Variants in MAP4 observed in about 807,000 individuals in gnomAD.
The protein encoded by MAP4 is microtubule associated protein 4.
MAP4 carries 76 observed loss-of-function variants against 170.2 expected under a neutral mutation model. That is an observed-to-expected ratio of 0.45 (90% CI 0.37 to 0.54). The LOEUF is 0.54. Among genes scored for constraint, MAP4 ranks in the 20% least tolerant of loss-of-function variants. The pLI, the probability that MAP4 is intolerant of heterozygous loss-of-function variation, is 0.00. For synonymous variants in MAP4, 909 were observed against 994.5 expected (o/e 0.91, Z 1.62); for missense variants, 2,506 against 2,748.0 (o/e 0.91, Z 1.97).
At chr3:48,052,078 A>G (rs1443184390) in intron 1 of MAP4, among the ~76,000 whole-genome samples, 2 of 152,166 alleles carry the variant, frequency 1.3e-5, no homozygotes, top group Non-Finnish European at 2.9e-5. Context: ...GTTTCCAGAC[A>G]CTGTCAAATG....
intron 1 of MAP4, among the ~76,000 whole-genome samples, chr3:48,086,057 A>T (rs562520384): frequency 3.6e-4 from 55 of 151,218 alleles, no homozygotes; most frequent in Middle Eastern, 3.4e-3. Context: ...ATCTCAAAAA[A>T]ATATATATAT....
intron 3 of MAP4, among the ~76,000 whole-genome samples, chr3:47,966,645 G>A (rs963281808): frequency 1.3e-5 from 2 of 151,994 alleles, no homozygotes; most frequent in Admixed American, 6.6e-5. Flanking sequence ...CTCCCAAAGC[G>A]CTGGGATTAT....
At chr3:48,050,182 C>G (rs2100126897) in intron 1 of MAP4, among the ~76,000 whole-genome samples, 1 of 150,990 alleles carries the variant, frequency 6.6e-6, no homozygotes, top group African/African-American at 2.4e-5. Flanking sequence ...ATCGCTTGAA[C>G]CCGGGAGCCA....
intron 2 of MAP4, among the ~76,000 whole-genome samples, chr3:47,979,947 C>T (rs1317882261): frequency 2.0e-5 from 3 of 152,048 alleles, no homozygotes; most frequent in Non-Finnish European, 2.9e-5. Flanking sequence ...GCCTCAGCCT[C>T]CCAAGTAGCT....
chr3:47,983,360 C>A (rs2154299840), intron 2 of MAP4, among the ~76,000 whole-genome samples: 1 of 152,132 alleles, frequency 6.6e-6, no homozygotes, highest in South Asian at 2.1e-4. Context: ...CAGGTGTGCA[C>A]CGCCACAGTT....
At chr3:47,899,171 G>A (rs915723992) in intron 10 of MAP4, among the ~76,000 whole-genome samples, 30 of 152,254 alleles carry the variant, frequency 2.0e-4, no homozygotes, top group African/African-American at 7.0e-4. Context: ...AGCCTGCCTA[G>A]GTAAAAAGAA....
At chr3:47,991,188 TCTTA>T (rs1387207903) in intron 2 of MAP4, among the ~76,000 whole-genome samples, 2 of 152,218 alleles carry the variant, frequency 1.3e-5, no homozygotes, top group African/African-American at 4.8e-5. Flanking sequence ...AACCCTGCTT[TCTTA>T]CTTCTCATTT....
intron 2 of MAP4, among the ~76,000 whole-genome samples, chr3:47,995,018 AAGG>A (rs2100094566): frequency 6.6e-6 from 1 of 151,768 alleles, no homozygotes; most frequent in Non-Finnish European, 1.5e-5. Flanking sequence ...TTACTCCAGG[AAGG>A]AGAACTGTCT....
At chr3:47,939,806 C>T (rs1381023477) in intron 3 of MAP4, among the ~76,000 whole-genome samples, 1 of 151,366 alleles carries the variant, frequency 6.6e-6, no homozygotes, top group Non-Finnish European at 1.5e-5. Flanking sequence ...GGAGAAGGAG[C>T]ATGAAAGTCT....
At chr3:48,058,029 A>T (rs567781000) in intron 1 of MAP4, among the ~76,000 whole-genome samples, 2 of 152,234 alleles carry the variant, frequency 1.3e-5, no homozygotes, top group African/African-American at 4.8e-5. Flanking sequence ...AGAACATATT[A>T]GACAATAAAT....
chr3:47,898,508 A>C (rs1488437537), intron 10 of MAP4, among the ~76,000 whole-genome samples: 2 of 152,104 alleles, frequency 1.3e-5, no homozygotes, highest in East Asian at 3.9e-4. Flanking sequence ...CTCAAAAAAA[A>C]AAAAAAAAGA....
At chr3:47,863,937 T>TGTGGGGGGGGGGGGGGG (rs374208589) in intron 17 of MAP4, among the ~76,000 whole-genome samples, 1 of 138,476 alleles carries the variant, frequency 7.2e-6, no homozygotes, top group African/African-American at 2.7e-5. Context: ...TGTGTGTGTG[T>TGTGGGGGGGGGGGGGGG]GGGGAGTGGT....
At chr3:48,059,811 T>C (rs2100134257) in intron 1 of MAP4, among the ~76,000 whole-genome samples, 1 of 152,066 alleles carries the variant, frequency 6.6e-6, no homozygotes, top group Non-Finnish European at 1.5e-5. Flanking sequence ...TGAAACCCCA[T>C]CTCTACTAAA....
intron 10 of MAP4, chr3:47,891,033 G>A: frequency 1.3e-6 from 2 of 1,483,850 alleles, no homozygotes; most frequent in East Asian, 4.9e-5. Flanking sequence ...CCATCACGTG[G>A]GGGCTTTTCA....
chr3:47,933,601 C>CTT (rs1306889632), intron 3 of MAP4, among the ~76,000 whole-genome samples: 5,349 of 129,582 alleles, frequency 0.041, 431 homozygotes, highest in African/African-American at 0.14. Context: ...TCCTGCCCAG[C>CTT]TTTTTTTTTT....
upstream of MAP4, among the ~76,000 whole-genome samples, chr3:48,016,836 G>A (rs1331386623): frequency 6.6e-6 from 1 of 150,962 alleles, no homozygotes; most frequent in Non-Finnish European, 1.5e-5. Context: ...GAATGCAGTG[G>A]CATGATCTCA....
rs957640225 is a variant in MAP4 at position 47,898,950 on chromosome 3, T to C, written c.5434+4000A>G. 3.9e-5 allele frequency among the ~76,000 whole-genome samples: 6 copies of C among 152,250 alleles called. 1 individual carries two copies. Among genetic ancestry groups the C allele is most frequent in the Middle Eastern group, 3.4e-3 (1 of 294 alleles). ...ACTCCAGCCTGAGCGACAGAGACCT[T>C]GTTTAAAAACAAAACAAAACAACCC... On this transcript the variant is annotated intron_variant, in intron 10 of 20. Coordinates refer to ENST00000683076, the MANE Select transcript of MAP4 (RefSeq NM_001385682.1).
intron 2 of MAP4, among the ~76,000 whole-genome samples, chr3:47,989,095 G>A (rs1450253379): frequency 6.6e-6 from 1 of 152,190 alleles, no homozygotes; most frequent in Non-Finnish European, 1.5e-5. Context: ...ACAGGCATGA[G>A]CCACCATGCC....
Position 47,911,171 on chromosome 3 carries a change from G to C in MAP4, c.3250C>G (p.Leu1084Val), listed in dbSNP as rs1157776382. 1 of 1,536,078 alleles carries C rather than the reference G, an allele frequency of 6.5e-7. No individual in the cohort carries two copies. Among genetic ancestry groups the C allele is most frequent in the Admixed American group, 2.0e-5 (1 of 50,994 alleles). Reference sequence around the variant, plus strand: ...TTCTGGCTGTCCAGAAGAAATGGCAGCTCAGATTTTGCTTTTACCTTCCCA... The same window carrying C: ...TTCTGGCTGTCCAGAAGAAATGGCACCTCAGATTTTGCTTTTACCTTCCCA... ...DSGKVKAKSE[L>V]PFLLDSQKDG... Residue 1084 changes from leucine (L) to valine (V), a missense_variant, in exon 9 of 21, where the codon CTG becomes GTG. Transcript: ENST00000683076. The surrounding 1 kb of genome is among the most constrained non-coding windows in gnomAD (Gnocchi z 4.0).
Sources: gnomAD v4.1 joint callset for allele counts (sites outside exome capture counted in the v4.1 genomes callset) on GRCh38, gnomAD v4.1.1 for gene constraint, Gnocchi (gnomAD v3.1) non-coding constraint, MANE v1.5 for transcripts, NCBI Gene and HGNC (gene_info 2026-07-23, HGNC 2026-07-21) for gene names.